The following RGPD8 variants were observed in gnomAD, a reference collection of about 807,000 sequenced individuals.
RGPD8 encodes the protein RANBP2 like and GRIP domain containing 8.
A neutral mutation model predicts 89.1 loss-of-function variants in RGPD8; 15 were observed. The observed-to-expected ratio is 0.17, with a 90% CI of 0.11 to 0.26. RGPD8 has a LOEUF of 0.26. Among genes scored for constraint, RGPD8 ranks in the 10% least tolerant of loss-of-function variants. The pLI is 1.00. For synonymous variants in RGPD8, 62 were observed against 420.9 expected, an observed-to-expected ratio of 0.15 and a Z score of 10.44; for missense variants, 178 against 1,179.6, an observed-to-expected ratio of 0.15 and a Z score of 12.44.
At position 112,387,380 on chromosome 2, in the gene RGPD8, C is replaced by A. The variant is rs1322444329; in HGVS notation, c.4921+644G>T. On this transcript the variant is annotated intron_variant, in intron 20 of 22. Transcript: ENST00000302558. ...TTTTGTTTTTTGTTTTTTTTGGAGA[C>A]AAAGTCTCACTCAGTCACTCAGTCA... 8.6e-5 allele frequency among the ~76,000 whole-genome samples: 12 copies of A among 139,360 alleles called. 1 individual carries two copies. Among genetic ancestry groups the A allele is most frequent in the African/African-American group, 3.2e-4 (12 of 38,022 alleles). The allele number at this position is 139,360 out of a possible 152,430, so 91.4% of individuals were successfully genotyped here.
At chr2:112,377,404 G>A (rs1678154342) in intron 22 of RGPD8, among the ~76,000 whole-genome samples, 1 of 109,830 alleles carries the variant, frequency 9.1e-6, no homozygotes, top group Non-Finnish European at 2.0e-5. Context: ...TCAGCCCCCT[G>A]AGTAGCTGGG....
intron 9 of RGPD8, among the ~76,000 whole-genome samples, chr2:112,402,426 G>A (rs1436186119): frequency 6.7e-6 from 1 of 149,248 alleles, no homozygotes; most frequent in Non-Finnish European, 1.5e-5. Flanking sequence ...ACAATTGCTT[G>A]AACCTGGCAG....
chr2:112,431,444 C>A (rs1007287073), intron 1 of RGPD8, among the ~76,000 whole-genome samples: 1 of 152,112 alleles, frequency 6.6e-6, no homozygotes, highest in Admixed American at 6.5e-5. Flanking sequence ...CTGCACTGTT[C>A]CCAAGAGAAA....
At chr2:112,424,628 A>C (rs1679686020) in intron 1 of RGPD8, among the ~76,000 whole-genome samples, 1 of 151,998 alleles carries the variant, frequency 6.6e-6, no homozygotes, top group East Asian at 1.9e-4. Context: ...CTAAGGCACA[A>C]AAATCAGTTG....
intron 1 of RGPD8, among the ~76,000 whole-genome samples, chr2:112,427,689 C>A (rs1368984678): frequency 6.6e-6 from 1 of 152,192 alleles, no homozygotes; most frequent in East Asian, 1.9e-4. Context: ...CTCACCCTGT[C>A]GCCCATCTTG....
intron 6 of RGPD8, among the ~76,000 whole-genome samples, chr2:112,415,348 C>T (rs1443670229): frequency 2.0e-5 from 3 of 152,162 alleles, no homozygotes; most frequent in Admixed American, 2.0e-4. Context: ...GCCCATGAGG[C>T]CTGATTAACT....
At chr2:112,431,740 G>A (rs1680047831) in intron 1 of RGPD8, among the ~76,000 whole-genome samples, 1 of 151,314 alleles carries the variant, frequency 6.6e-6, no homozygotes, top group South Asian at 2.1e-4. Context: ...GGGTTCAAGC[G>A]ACTCTCCTGC....
At chr2:112,414,140 GACT>G (rs1404342136) in intron 6 of RGPD8, among the ~76,000 whole-genome samples, 1 of 147,650 alleles carries the variant, frequency 6.8e-6, no homozygotes, top group Admixed American at 6.6e-5. Flanking sequence ...ACACTTTTCT[GACT>G]ACTTTTTTGC....
At chr2:112,429,411 G>C (rs1487959031) in intron 1 of RGPD8, among the ~76,000 whole-genome samples, 1 of 84,696 alleles carries the variant, frequency 1.2e-5, no homozygotes. Flanking sequence ...GCCAGACTCC[G>C]TCTCAAAAAA....
At chr2:112,427,040 C>A (rs1448958646) in intron 1 of RGPD8, among the ~76,000 whole-genome samples, 4 of 151,998 alleles carry the variant, frequency 2.6e-5, no homozygotes, top group Non-Finnish European at 5.9e-5. Flanking sequence ...TGTGATCTGA[C>A]TTCTTCCGCC....
At position 112,388,429 on chromosome 2, in the gene RGPD8, C is replaced by A; in HGVS notation, c.4516G>T (p.Val1506Phe). 1.9e-6 allele frequency: 3 copies of A among 1,555,278 alleles called. 1 individual carries two copies. The highest frequency in any genetic ancestry group is 2.6e-6 in the Non-Finnish European group (3 of 1,144,238). ...TCTGCTACATCATCACCCTGAATAA[C>A]ATCTGTCCTCTCTCTTGTGATTTCT... ...LEEITRERTD[V>F]IQGDDVADAA... The change falls in exon 20 of 23, where the codon GTT (valine) becomes TTT (phenylalanine). Residue 1506 changes from valine (V) to phenylalanine (F), a missense_variant. Coordinates refer to ENST00000302558, the MANE Select transcript of RGPD8 (RefSeq NM_001164463.1).
chr2:112,371,855 AT>A (rs1232510595), intron 22 of RGPD8, among the ~76,000 whole-genome samples: 1 of 149,960 alleles, frequency 6.7e-6, no homozygotes, highest in African/African-American at 2.5e-5. Flanking sequence ...GCAGAGTAGC[AT>A]TTTCAAAATT....
chr2:112,433,331 C>T, intron 1 of RGPD8, 51 bp downstream of exon 1: 1 of 1,376,246 alleles, frequency 7.3e-7, no homozygotes. Context: ...GGGTCGAGGC[C>T]GCCGCCGCCC....
intron 1 of RGPD8, among the ~76,000 whole-genome samples, chr2:112,431,323 GTC>G (rs1223044789): frequency 5.9e-5 from 9 of 152,158 alleles, no homozygotes; most frequent in African/African-American, 2.2e-4. Flanking sequence ...CTCAATTAAG[GTC>G]TGTTTTAGAC....
At chr2:112,429,489 A>T (rs567022186) in intron 1 of RGPD8, among the ~76,000 whole-genome samples, 1 of 151,306 alleles carries the variant, frequency 6.6e-6, no homozygotes, top group South Asian at 2.1e-4. Flanking sequence ...AAAATAACAA[A>T]AGTATATATG....
chr2:112,388,140 TCA>T lies in RGPD8; in HGVS notation c.4803_4804del (p.Cys1601Ter). 1.7e-6 allele frequency: 2 copies of T among 1,205,196 alleles called. No individual in the cohort carries two copies. Among genetic ancestry groups the T allele is most frequent in the Non-Finnish European group, 2.3e-6 (2 of 870,780 alleles). 74.7% of individuals were successfully genotyped at this position (1,205,196 alleles called of 1,614,324 possible). ...TTCGATATCAGAGTTCTTTGACAGT[TCA>T]CATTTTTTAGGTTCCACTTTGCTTT... On this transcript the variant is annotated stop_gained and frameshift_variant, in exon 20 of 23. Transcript: ENST00000302558. LOFTEE classifies it high-confidence loss of function.
chr2:112,387,493 T>C (rs1678501540), intron 20 of RGPD8, among the ~76,000 whole-genome samples: 1 of 137,192 alleles, frequency 7.3e-6, no homozygotes, highest in African/African-American at 2.7e-5. Context: ...CCTGAGTAGC[T>C]GCTAATTATA....
intron 20 of RGPD8, among the ~76,000 whole-genome samples, chr2:112,382,487 CTGTG>C (rs1211274831): frequency 1.3e-5 from 2 of 151,978 alleles, no homozygotes; most frequent in African/African-American, 2.4e-5. Flanking sequence ...GCTCTAAAGA[CTGTG>C]TGTATGTGCT....
At chr2:112,402,536 T>TAAAAGAAAAGAAAAGAAA (rs1574004720) in intron 9 of RGPD8, among the ~76,000 whole-genome samples, 1 of 5,376 alleles carries the variant, frequency 1.9e-4, no homozygotes, top group African/African-American at 6.5e-4. Context: ...AAGAAAAGGT[T>TAAAAGAAAAGAAAAGAAA]ATGCGCTTCT....
Sources: allele counts gnomAD v4.1 joint callset (sites outside exome capture counted in the v4.1 genomes callset), GRCh38; gene constraint gnomAD v4.1.1; transcripts MANE v1.5; gene names NCBI Gene and HGNC (gene_info 2026-07-23, HGNC 2026-07-21).